ARB2A: variants seen among roughly 807,000 people sequenced by gnomAD.
The protein encoded by ARB2A is ARB2 cotranscriptional regulator A.
the ARB2A span, among the ~76,000 whole-genome samples, chr5:93,643,264 G>T: frequency 5.3e-5 from 8 of 152,238 alleles, 2 homozygotes; most frequent in Admixed American, 5.2e-4. Context: ...ACCAGGATAT[G>T]TGCCCAAATA....
At chr5:93,826,164 C>A in the ARB2A span, among the ~76,000 whole-genome samples, 1 of 152,004 alleles carries the variant, frequency 6.6e-6, no homozygotes, top group Non-Finnish European at 1.5e-5. Context: ...AAAACAAAAA[C>A]AAACTAAAAT....
At chr5:93,900,980 AT>A in the ARB2A span, among the ~76,000 whole-genome samples, 1 of 152,148 alleles carries the variant, frequency 6.6e-6, no homozygotes, top group Non-Finnish European at 1.5e-5. Flanking sequence ...TTTATGTCAT[AT>A]TCCAAACTTT....
the ARB2A span, among the ~76,000 whole-genome samples, chr5:94,098,412 G>C: frequency 1.3e-5 from 2 of 152,156 alleles, no homozygotes; most frequent in Admixed American, 1.3e-4. Flanking sequence ...TTAAGGCAGA[G>C]ATCAAGAAGT....
the ARB2A span, among the ~76,000 whole-genome samples, chr5:93,690,473 C>T: frequency 1.3e-5 from 2 of 152,170 alleles, no homozygotes; most frequent in Non-Finnish European, 1.5e-5. Flanking sequence ...CACAGCTTAG[C>T]AAAGCTGAGG....
the ARB2A span, among the ~76,000 whole-genome samples, chr5:93,829,066 T>C: frequency 6.6e-6 from 1 of 152,154 alleles, no homozygotes; most frequent in Non-Finnish European, 1.5e-5. Flanking sequence ...CATGAGCCAC[T>C]GCGCCTGGCC....
the ARB2A span, among the ~76,000 whole-genome samples, chr5:93,745,365 T>C: frequency 2.6e-5 from 4 of 152,220 alleles, no homozygotes; most frequent in Admixed American, 1.3e-4. Context: ...CTAAGAGATA[T>C]GGAACCACCT....
At chr5:93,985,876 G>C in the ARB2A span, among the ~76,000 whole-genome samples, 1 of 151,742 alleles carries the variant, frequency 6.6e-6, no homozygotes, top group South Asian at 2.1e-4. Flanking sequence ...GTCTCTGCCT[G>C]GCCGCCCATC....
chr5:93,741,652 C>T, the ARB2A span: 2 of 1,412,528 alleles, frequency 1.4e-6, no homozygotes, highest in East Asian at 2.5e-5. Context: ...GCCCCGCCCC[C>T]CAGTGGGCGG....
the ARB2A span, among the ~76,000 whole-genome samples, chr5:93,877,292 CAT>C: frequency 1.3e-5 from 2 of 152,134 alleles, no homozygotes; most frequent in African/African-American, 4.8e-5. Context: ...ATACTCTACA[CAT>C]AGTCTCTAAA....
chr5:93,841,467 T>A, the ARB2A span, among the ~76,000 whole-genome samples: 2 of 152,190 alleles, frequency 1.3e-5, no homozygotes, highest in African/African-American at 4.8e-5. Context: ...CCATTTTATA[T>A]AAGTGACTTG....
chr5:93,758,830 C>A, the ARB2A span, among the ~76,000 whole-genome samples: 1 of 151,946 alleles, frequency 6.6e-6, no homozygotes, highest in Admixed American at 6.6e-5. Flanking sequence ...GGTCATACCT[C>A]AAGGAACTAG....
the ARB2A span, among the ~76,000 whole-genome samples, chr5:93,997,849 T>C: frequency 2.0e-5 from 3 of 151,980 alleles, no homozygotes; most frequent in South Asian, 2.1e-4. Flanking sequence ...TACTGCTATA[T>C]TGACCCTCAC....
the ARB2A span, among the ~76,000 whole-genome samples, chr5:94,076,443 T>C: frequency 6.6e-6 from 1 of 152,180 alleles, no homozygotes; most frequent in Non-Finnish European, 1.5e-5. Flanking sequence ...AGGTAGGCAA[T>C]GTACAAGACT....
chr5:93,946,436 AT>A, the ARB2A span, among the ~76,000 whole-genome samples: 1 of 152,180 alleles, frequency 6.6e-6, no homozygotes, highest in African/African-American at 2.4e-5. Flanking sequence ...TACATAAAAA[AT>A]TAGAAACTAG....
At chr5:93,728,370 G>A in the ARB2A span, among the ~76,000 whole-genome samples, 4 of 152,046 alleles carry the variant, frequency 2.6e-5, no homozygotes, top group African/African-American at 9.7e-5. Context: ...CAGTTTGACT[G>A]TGTTCCATGA....
the ARB2A span, among the ~76,000 whole-genome samples, chr5:93,642,819 C>T: frequency 2.3e-3 from 355 of 152,256 alleles, 1 homozygote; most frequent in African/African-American, 8.2e-3. Context: ...TGTGTCCAGC[C>T]CCTATTGACA....
chr5:94,006,885 T>C, the ARB2A span, among the ~76,000 whole-genome samples: 1 of 152,134 alleles, frequency 6.6e-6, no homozygotes, highest in Non-Finnish European at 1.5e-5. Flanking sequence ...CAACAGAAAA[T>C]GAAAGTGTTA....
At chr5:93,665,118 C>T in the ARB2A span, among the ~76,000 whole-genome samples, 1 of 152,178 alleles carries the variant, frequency 6.6e-6, no homozygotes, top group Non-Finnish European at 1.5e-5. Context: ...TGAGCCGCTG[C>T]ACCTGGCCTT....
chr5:93,882,448 GT>G, the ARB2A span, among the ~76,000 whole-genome samples: 1 of 148,480 alleles, frequency 6.7e-6, no homozygotes, highest in African/African-American at 2.5e-5. Flanking sequence ...AGGTTCCAAA[GT>G]TAAAAAATAC....
Sources: gnomAD v4.1 joint callset for allele counts (sites outside exome capture counted in the v4.1 genomes callset) on GRCh38, gnomAD v4.1.1 for gene constraint, MANE v1.5 for transcripts, NCBI Gene and HGNC (gene_info 2026-07-23, HGNC 2026-07-21) for gene names.